SERPINA9: variants seen among roughly 807,000 people sequenced by gnomAD.
SERPINA9 encodes the protein serpin A9.
Under a neutral mutation model 24.5 loss-of-function variants are expected in SERPINA9, and 32 were observed. The observed-to-expected ratio is 1.30, with a 90% confidence interval of 0.98 to 1.75. The LOEUF is 1.75. SERPINA9 is among the 40% of genes most tolerant of loss of function. The pLI, the probability that SERPINA9 is intolerant of heterozygous loss-of-function variation, is 0.00. For synonymous variants in SERPINA9, 233 were observed against 197.7 expected (o/e 1.18, Z -1.50); for missense variants, 594 against 497.1 (o/e 1.19, Z -1.85).
chr14:94,470,705 C>A (rs72631636), intron 1 of SERPINA9, among the ~76,000 whole-genome samples: 1 of 152,138 alleles, frequency 6.6e-6, no homozygotes, highest in East Asian at 1.9e-4. Flanking sequence ...TTGTGCAGCA[C>A]GGGACCCAGC....
intron 1 of SERPINA9, among the ~76,000 whole-genome samples, chr14:94,474,532 G>T (rs1899482386): frequency 6.6e-6 from 1 of 152,118 alleles, no homozygotes; most frequent in Non-Finnish European, 1.5e-5. Flanking sequence ...TCTCTTGGGG[G>T]AAAACCGTGG....
chr14:94,469,157 A>T (rs1899163711), intron 2 of SERPINA9, 56 bp downstream of exon 2: 1 of 1,515,496 alleles, frequency 6.6e-7, no homozygotes, highest in African/African-American at 1.4e-5. Context: ...ACTAAGCAAA[A>T]ATCATCATCA....
chr14:94,464,525 A>G (rs1898899867), intron 4 of SERPINA9, 182 bp downstream of exon 4: 1 of 575,366 alleles, frequency 1.7e-6, no homozygotes, highest in Non-Finnish European at 3.0e-6. Context: ...AAGAGGGATA[A>G]CAGATGCTGC....
At chr14:94,468,545 C>T (rs958085052) in intron 2 of SERPINA9, among the ~76,000 whole-genome samples, 1 of 152,198 alleles carries the variant, frequency 6.6e-6, no homozygotes, top group African/African-American at 2.4e-5. Context: ...ACAGGTCAGG[C>T]ACTCAACACA....
At chr14:94,469,993 C>A (rs957801712) in intron 1 of SERPINA9, 136 bp from the exon 2 acceptor site, 2 of 724,534 alleles carry the variant, frequency 2.8e-6, no homozygotes, top group Non-Finnish European at 4.2e-6. Context: ...CTCACATAAT[C>A]TCTGAGCCTC....
In SERPINA9 at chr14:94,467,282, T is replaced by A; in HGVS notation, c.729A>T (p.Lys243Asn). Residue 243 changes from lysine (K) to asparagine (N), a missense_variant, in exon 3 of 5, where the codon AAA (lysine) becomes AAT (asparagine). Transcript: ENST00000674397. ...TATCCACCCCAAAAGCGAACTGCTC[T>A]TTCTGGTGCATCATGGGGACATGCA... ...VTVHVPMMHQ[K>N]EQFAFGVDTE... 2.5e-6 allele frequency: 4 copies of A among 1,614,144 alleles called. No individual in the cohort carries two copies. Among genetic ancestry groups the A allele is most frequent in the Non-Finnish European group, 3.4e-6 (4 of 1,179,984 alleles).
intron 4 of SERPINA9, 122 bp downstream of exon 4, chr14:94,464,585 G>T: frequency 5.0e-6 from 4 of 798,694 alleles, no homozygotes; most frequent in South Asian, 1.8e-5. Flanking sequence ...TCTTCTGGCC[G>T]CAGAAGACCC....
chr14:94,465,677 G>A lies in SERPINA9; in HGVS notation c.903-823C>T, dbSNP rs989581716. On this transcript the variant is annotated intron_variant, in intron 3 of 4. Coordinates refer to ENST00000674397, the MANE Select transcript of SERPINA9 (RefSeq NM_175739.4). ...CAAGTAGCTGGGATTACAGGTGTAC[G>A]TGGCCATGCCCGGCTAATTTTTTTG... 4.6e-5 allele frequency among the ~76,000 whole-genome samples: 7 copies of A among 152,108 alleles called. No individual in the cohort carries two copies. In the East Asian group the frequency reaches 9.6e-4, roughly 21 times the overall value.
chr14:94,464,985 A>C, intron 3 of SERPINA9, 131 bp from the exon 4 acceptor site: 1 of 757,242 alleles, frequency 1.3e-6, no homozygotes, highest in Non-Finnish European at 2.1e-6. Flanking sequence ...AGGTCAACAC[A>C]TCCTAGCCAA....
At chr14:94,466,234 C>T (rs1358251091) in intron 3 of SERPINA9, among the ~76,000 whole-genome samples, 3 of 152,210 alleles carry the variant, frequency 2.0e-5, no homozygotes, top group African/African-American at 4.8e-5. Context: ...GTGTCCTCTA[C>T]CAAAGCTGCC....
At chr14:94,476,076 C>T (rs375256118) in intron 1 of SERPINA9, 60 bp downstream of exon 1, 152 of 1,612,490 alleles carry the variant, frequency 9.4e-5, no homozygotes, top group Non-Finnish European at 1.8e-5. Flanking sequence ...CTGATCCAGT[C>T]CTTCCCTCTG....
intron 3 of SERPINA9, among the ~76,000 whole-genome samples, chr14:94,465,594 C>T (rs1175423409): frequency 6.6e-6 from 1 of 152,168 alleles, no homozygotes. Flanking sequence ...ATGGCACAGT[C>T]TCTGCTCACT....
chr14:94,469,947 C>T (rs1899232053), intron 1 of SERPINA9, 90 bp from the exon 2 acceptor site: 1 of 1,100,012 alleles, frequency 9.1e-7, no homozygotes, highest in East Asian at 2.4e-5. Context: ...CCATCAGCAG[C>T]AGAATGAGGA....
rs1483943489 is a variant in SERPINA9, at chr14:94,464,810, T to C, written c.947A>G (p.Tyr316Cys). ...FIPRFSISASYNLETILPKMG... is the reference protein window; with the variant it reads ...FIPRFSISASCNLETILPKMG... ...CTTCGGGAGGATGGTTTCCAGATTG[T>C]AGGAGGCAGAAATGGAAAATCTGGG... The change falls in exon 4 of 5, where the codon TAC becomes TGC. Residue 316 changes from tyrosine to cysteine, a missense_variant. Coordinates refer to ENST00000674397, the MANE Select transcript of SERPINA9 (RefSeq NM_175739.4). The C allele has an allele frequency of 1.2e-6, 2 of 1,613,588 alleles. No individual in the cohort carries two copies. Among genetic ancestry groups the C allele is most frequent in the Non-Finnish European group, 1.7e-6 (2 of 1,179,684 alleles).
intron 1 of SERPINA9, chr14:94,475,918 C>G: frequency 1.6e-6 from 1 of 606,726 alleles, no homozygotes; most frequent in Non-Finnish European, 2.9e-6. Context: ...GTCTCTGTGG[C>G]CTTACCTCCA....
In SERPINA9 at chr14:94,469,236, A is replaced by G; in HGVS notation, c.605T>C (p.Leu202Pro). 6.2e-7 allele frequency: 1 copy of G among 1,613,470 alleles called. No individual in the cohort carries two copies. The highest frequency in any genetic ancestry group is 8.5e-7 in the Non-Finnish European group (1 of 1,179,576). The change falls in exon 2 of 5, where the codon CTG (leucine) becomes CCG (proline). Residue 202 changes from leucine (L) to proline (P), a missense_variant. Transcript: ENST00000674397. ...QGLDLLTAMV[L>P]VNHIFFKAKW... ...ACCTTTAAAGAAAATGTGGTTCACCAGAACCATGGCCGTCAGAAGGTCAAG... is the reference window on the plus strand; with the variant it reads ...ACCTTTAAAGAAAATGTGGTTCACCGGAACCATGGCCGTCAGAAGGTCAAG...
At chr14:94,471,680 T>C (rs1464515586) in intron 1 of SERPINA9, among the ~76,000 whole-genome samples, 2 of 152,182 alleles carry the variant, frequency 1.3e-5, no homozygotes, top group Admixed American at 1.3e-4. Flanking sequence ...CCTACTGGAC[T>C]CTTTGCCAAC....
At chr14:94,468,336 A>G (rs1485398047) in intron 2 of SERPINA9, among the ~76,000 whole-genome samples, 2 of 152,164 alleles carry the variant, frequency 1.3e-5, no homozygotes, top group African/African-American at 4.8e-5. Flanking sequence ...ATGGACAGAT[A>G]AACTAGTGCA....
Position 94,462,959 on chromosome 14 carries a change from C to G in SERPINA9, c.*134G>C. On this transcript the variant is annotated 3_prime_UTR_variant, in exon 5 of 5. Transcript: ENST00000674397. Reference sequence around the variant, plus strand: ...CCCTGTTGATGGTTTGGTGATTGAGCCTTGGAAGTGGCATCCCTGCCAGCG... The same window carrying G: ...CCCTGTTGATGGTTTGGTGATTGAGGCTTGGAAGTGGCATCCCTGCCAGCG... 1 of 731,644 alleles carries G rather than the reference C, an allele frequency of 1.4e-6. No homozygotes were observed. The highest frequency in any genetic ancestry group is 2.4e-6 in the Non-Finnish European group (1 of 423,708). The allele number at this position is 731,644 out of a possible 1,614,324, so 45.3% of individuals were successfully genotyped here. A position where few individuals can be genotyped will look rare whatever the true frequency, so the allele number is the denominator to read the frequency against.
Sources: allele counts gnomAD v4.1 joint callset (sites outside exome capture counted in the v4.1 genomes callset), GRCh38; gene constraint gnomAD v4.1.1; transcripts MANE v1.5; gene names NCBI Gene and HGNC (gene_info 2026-07-23, HGNC 2026-07-21).